The following SLC7A14 variants were observed in gnomAD, a reference collection of about 807,000 sequenced individuals.
SLC7A14 encodes gamma-aminobutyric acid transporter SLC7A14.
In SLC7A14, 37 loss-of-function variants were observed where a neutral mutation model predicts 60.2. The ratio of observed to expected loss-of-function variants is 0.61; its 90% CI spans 0.47 to 0.81. The LOEUF is 0.81. Among genes scored for constraint, SLC7A14 ranks in the 30% least tolerant of loss-of-function variants. SLC7A14 has a pLI of 0.00. For synonymous variants in SLC7A14, 399 were observed against 395.8 expected (o/e 1.01, Z -0.10); for missense variants, 886 against 982.7 (o/e 0.90, Z 1.32).
At chr3:170,515,003 A>G (rs1029586344) in intron 2 of SLC7A14, among the ~76,000 whole-genome samples, 1 of 152,154 alleles carries the variant, frequency 6.6e-6, no homozygotes, top group African/African-American at 2.4e-5. Context: ...TTTCCATATC[A>G]CATAACCCAC....
chr3:170,484,066 G>A (rs753294485), intron 5 of SLC7A14, among the ~76,000 whole-genome samples: 12 of 152,294 alleles, frequency 7.9e-5, no homozygotes, highest in South Asian at 6.2e-4. Flanking sequence ...ACCCAGATAA[G>A]GACTCATATT....
chr3:170,555,620 G>A (rs1389131897), intron 1 of SLC7A14, among the ~76,000 whole-genome samples: 4 of 152,102 alleles, frequency 2.6e-5, no homozygotes, highest in East Asian at 1.9e-4. Context: ...ACATGGTATC[G>A]CCTGTTGCTC....
intron 2 of SLC7A14, among the ~76,000 whole-genome samples, chr3:170,526,170 G>A (rs1206960942): frequency 6.6e-6 from 1 of 151,972 alleles, no homozygotes; most frequent in Non-Finnish European, 1.5e-5. Flanking sequence ...GGAAGGCCGA[G>A]GCAGGTGGAT....
intron 1 of SLC7A14, among the ~76,000 whole-genome samples, chr3:170,527,924 C>T (rs1254453977): frequency 1.3e-5 from 2 of 152,110 alleles, no homozygotes; most frequent in African/African-American, 4.8e-5. Flanking sequence ...TCCAGGAATA[C>T]AACTATAGAA....
At chr3:170,470,352 C>A (rs1056089175) in intron 7 of SLC7A14, among the ~76,000 whole-genome samples, 4 of 72,136 alleles carry the variant, frequency 5.5e-5, no homozygotes, top group Non-Finnish European at 1.3e-4. Flanking sequence ...GTGTGTGTGT[C>A]TGTGTCTGCG....
At position 170,527,046 on chromosome 3, in the gene SLC7A14, G is replaced by T; in HGVS notation, c.-110C>A. Reference sequence around the variant, plus strand: ...GAACAGGGATCTCCCTTTTAGGAAAGGCCCAGAGGGACCCAGTGCAGCCTT... The same window carrying T: ...GAACAGGGATCTCCCTTTTAGGAAATGCCCAGAGGGACCCAGTGCAGCCTT... On this transcript the variant is annotated 5_prime_UTR_variant, in exon 2 of 8. Coordinates refer to ENST00000231706, the MANE Select transcript of SLC7A14 (RefSeq NM_020949.3). The T allele has an allele frequency of 8.3e-7, 1 of 1,206,604 alleles. No individual in the cohort carries two copies. The highest frequency in any genetic ancestry group is 1.1e-6 in the Non-Finnish European group (1 of 883,476). The allele number at this position is 1,206,604 out of a possible 1,614,324, so 74.7% of individuals were successfully genotyped here.
chr3:170,515,170 CTGCAG>C (rs1295061725), intron 2 of SLC7A14, among the ~76,000 whole-genome samples: 1 of 151,772 alleles, frequency 6.6e-6, no homozygotes, highest in East Asian at 1.9e-4. Flanking sequence ...AAAATTATCC[CTGCAG>C]GGTGGTATGT....
At chr3:170,472,550 G>A (rs1739945854) in intron 7 of SLC7A14, among the ~76,000 whole-genome samples, 1 of 152,008 alleles carries the variant, frequency 6.6e-6, no homozygotes, top group South Asian at 2.1e-4. Flanking sequence ...TGGATCACGA[G>A]GTCAGGAGAT....
intron 1 of SLC7A14, among the ~76,000 whole-genome samples, 187 bp from the exon 2 acceptor site, chr3:170,527,275 G>A (rs375314499): frequency 1.3e-5 from 2 of 152,164 alleles, no homozygotes; most frequent in South Asian, 4.1e-4. Context: ...CTGCCGGCGC[G>A]TGCACTGTGT....
chr3:170,563,743 T>A (rs1714724641), intron 1 of SLC7A14, among the ~76,000 whole-genome samples: 1 of 152,132 alleles, frequency 6.6e-6, no homozygotes, highest in South Asian at 2.1e-4. Context: ...GTCTTAAAGA[T>A]TGTATATAAA....
At chr3:170,488,618 T>C (rs771334425) in intron 4 of SLC7A14, among the ~76,000 whole-genome samples, 15 of 152,194 alleles carry the variant, frequency 9.9e-5, no homozygotes, top group East Asian at 1.9e-4. Flanking sequence ...CTTCAGTAGA[T>C]AGTGCTGAGA....
chr3:170,498,793 T>C lies in SLC7A14; in HGVS notation c.633A>G (p.Ile211Met). 2.5e-6 allele frequency: 4 copies of C among 1,614,178 alleles called. No homozygotes were observed. The highest frequency in any genetic ancestry group is 3.4e-6 in the Non-Finnish European group (4 of 1,180,038). ...IIVALGVKNS[I>M]GFNNVLNVLN... Reference sequence around the variant, plus strand: ...GCACATTGAGAACATTGTTGAAGCCTATGGAATTCTTCACCCCCAGAGCAA... The same window carrying C: ...GCACATTGAGAACATTGTTGAAGCCCATGGAATTCTTCACCCCCAGAGCAA... The change falls in exon 4 of 8, where the codon ATA (isoleucine) becomes ATG (methionine). Residue 211 changes from isoleucine to methionine, a missense_variant. Coordinates refer to ENST00000231706, the MANE Select transcript of SLC7A14 (RefSeq NM_020949.3).
intron 7 of SLC7A14, among the ~76,000 whole-genome samples, chr3:170,478,458 C>T (rs1222842297): frequency 1.3e-5 from 2 of 152,120 alleles, no homozygotes; most frequent in Non-Finnish European, 2.9e-5. Flanking sequence ...CTCCTGAAGT[C>T]TAACCAGGGG....
At chr3:170,539,856 TTTAA>T (rs1713964090) in intron 1 of SLC7A14, among the ~76,000 whole-genome samples, 2 of 152,196 alleles carry the variant, frequency 1.3e-5, no homozygotes, top group Non-Finnish European at 2.9e-5. Context: ...TATGATAAAG[TTTAA>T]TTAATAGATT....
At chr3:170,507,685 G>C (rs1232991558) in intron 2 of SLC7A14, among the ~76,000 whole-genome samples, 1 of 152,170 alleles carries the variant, frequency 6.6e-6, no homozygotes, top group Non-Finnish European at 1.5e-5. Flanking sequence ...CAGACGAGTG[G>C]ACTAGCTGAA....
chr3:170,544,942 A>G (rs1714133854), intron 1 of SLC7A14, among the ~76,000 whole-genome samples: 1 of 152,196 alleles, frequency 6.6e-6, no homozygotes, highest in African/African-American at 2.4e-5. Context: ...GATGATGAAA[A>G]TATTTTCTGT....
chr3:170,516,453 T>TG (rs1218833983), intron 2 of SLC7A14, among the ~76,000 whole-genome samples: 1 of 151,960 alleles, frequency 6.6e-6, no homozygotes, highest in East Asian at 1.9e-4. Flanking sequence ...CCAGGCACAG[T>TG]GGCTCACAGC....
chr3:170,547,969 G>A (rs1714230882), intron 1 of SLC7A14, among the ~76,000 whole-genome samples: 1 of 152,136 alleles, frequency 6.6e-6, no homozygotes, highest in Admixed American at 6.5e-5. Flanking sequence ...TCCTTGGAGG[G>A]GAGTTACCAA....
intron 2 of SLC7A14, among the ~76,000 whole-genome samples, chr3:170,520,938 G>T (rs776910207): frequency 1.8e-4 from 27 of 152,158 alleles, no homozygotes; most frequent in Non-Finnish European, 3.8e-4. Flanking sequence ...AAACCATCCT[G>T]CCTCCACCCT....
Sources: gnomAD v4.1 joint callset for allele counts (sites outside exome capture counted in the v4.1 genomes callset) on GRCh38, gnomAD v4.1.1 for gene constraint, MANE v1.5 for transcripts, NCBI Gene and HGNC (gene_info 2026-07-23, HGNC 2026-07-21) for gene names.